BRD4: variants seen among roughly 807,000 people sequenced by gnomAD.
BRD4 encodes the protein bromodomain containing 4.
Under a neutral mutation model 142.1 loss-of-function variants are expected in BRD4, and 16 were observed. The observed-to-expected ratio is 0.11, with a 90% CI of 0.08 to 0.17. BRD4 has a LOEUF of 0.17. Among genes scored for constraint, BRD4 ranks in the 10% least tolerant of loss-of-function variants. BRD4 has a pLI of 1.00. For synonymous variants in BRD4, 833 were observed against 707.5 expected (o/e 1.18, Z -2.82); for missense variants, 1,424 against 1,810.9 (o/e 0.79, Z 3.88).
intron 3 of BRD4, 67 bp downstream of exon 3, chr19:15,268,838 A>G (rs922046707): frequency 7.7e-5 from 121 of 1,580,166 alleles, no homozygotes; most frequent in Middle Eastern, 4.0e-4. Flanking sequence ...GGCTCCTGAC[A>G]TGCCCACTGC....
chr19:15,255,904 T>A (rs2047403202), intron 9 of BRD4, among the ~76,000 whole-genome samples, 160 bp downstream of exon 9: 2 of 152,182 alleles, frequency 1.3e-5, no homozygotes, highest in Non-Finnish European at 2.9e-5. Flanking sequence ...TGCAGCTAAG[T>A]CCTGTGTGCA....
intron 1 of BRD4, among the ~76,000 whole-genome samples, chr19:15,282,187 G>C (rs1381721011): frequency 6.6e-6 from 1 of 152,172 alleles, no homozygotes; most frequent in Non-Finnish European, 1.5e-5. Context: ...TAAAATGAAA[G>C]CAGCCACAAA....
intron 13 of BRD4, 119 bp from the exon 14 acceptor site, chr19:15,243,606 T>G: frequency 1.4e-6 from 2 of 1,391,904 alleles, no homozygotes; most frequent in Non-Finnish European, 1.9e-6. Context: ...TCCCTCAAAC[T>G]GGCACTCCCT....
intron 1 of BRD4, among the ~76,000 whole-genome samples, chr19:15,316,613 G>C (rs78342544): frequency 6.6e-6 from 1 of 152,004 alleles, no homozygotes; most frequent in African/African-American, 2.4e-5. Context: ...AAAAGAAAAA[G>C]AAAAAATAGA....
At chr19:15,269,447 T>C (rs536768299) in intron 2 of BRD4, among the ~76,000 whole-genome samples, 4 of 152,336 alleles carry the variant, frequency 2.6e-5, no homozygotes, top group African/African-American at 9.6e-5. Context: ...CTTGTCCCAT[T>C]TGAAATTTTA....
chr19:15,242,976 C>T lies in BRD4; in HGVS notation c.3093G>A (p.Pro1031=), dbSNP rs372882800. ...HPPPGQQPPP[P]QPAKPQQVIQ... is the part of the protein sequence containing the mutation. ...TGACTTGCTGAGGCTTGGCAGGCTGCGGCGGGGGTGGCTGCTGGCCTGGGG... is the reference window on the plus strand; with the variant it reads ...TGACTTGCTGAGGCTTGGCAGGCTGTGGCGGGGGTGGCTGCTGGCCTGGGG... Residue 1031 remains proline, a synonymous_variant, in exon 14 of 20, where the codon CCG becomes CCA. Transcript: ENST00000679869. The T allele has an allele frequency of 2.8e-5, 27 of 977,394 alleles. 1 individual carries two copies. Among genetic ancestry groups the T allele is most frequent in the East Asian group, 1.6e-4 (2 of 12,846 alleles). The allele number at this position is 977,394 out of a possible 1,614,324, so 60.5% of individuals were successfully genotyped here.
intron 1 of BRD4, chr19:15,280,344 T>C (rs2047693745): frequency 8.9e-6 from 9 of 1,014,670 alleles, no homozygotes; most frequent in Non-Finnish European, 1.1e-5. Context: ...AGCACCACAC[T>C]TTGCTGTACC....
At chr19:15,300,249 A>G (rs2047856559) in intron 1 of BRD4, among the ~76,000 whole-genome samples, 1 of 152,100 alleles carries the variant, frequency 6.6e-6, no homozygotes, top group Non-Finnish European at 1.5e-5. Flanking sequence ...GATCCGATAA[A>G]TAAATAAAAA....
intron 1 of BRD4, among the ~76,000 whole-genome samples, chr19:15,308,174 T>G (rs1296945346): frequency 3.9e-3 from 38 of 9,784 alleles, no homozygotes; most frequent in South Asian, 4.8e-3. Flanking sequence ...GTGGGTCGCG[T>G]AGTGAAGAAA....
chr19:15,306,525 C>T (rs569435109), intron 1 of BRD4, among the ~76,000 whole-genome samples: 33 of 152,234 alleles, frequency 2.2e-4, no homozygotes, highest in Admixed American at 1.3e-3. Context: ...CCCACCTACG[C>T]CTGCCAAAAA....
chr19:15,262,857 A>T (rs1382377962), intron 7 of BRD4, among the ~76,000 whole-genome samples: 3 of 152,034 alleles, frequency 2.0e-5, no homozygotes, highest in Admixed American at 6.5e-5. Context: ...TTCCTTTTTT[A>T]AAAAAATTAA....
chr19:15,250,780 G>T (rs1009333197), intron 11 of BRD4, among the ~76,000 whole-genome samples: 2 of 152,180 alleles, frequency 1.3e-5, no homozygotes, highest in Non-Finnish European at 2.9e-5. Flanking sequence ...GTGAAAGCTA[G>T]AAGATTCCTA....
intron 1 of BRD4, among the ~76,000 whole-genome samples, chr19:15,295,695 G>A (rs1048919783): frequency 1.3e-5 from 2 of 152,268 alleles, no homozygotes; most frequent in East Asian, 1.9e-4. Flanking sequence ...TGGGGGCTGC[G>A]TGCGGTGGCT....
intron 1 of BRD4, among the ~76,000 whole-genome samples, chr19:15,293,971 T>C (rs1474153042): frequency 6.6e-6 from 1 of 152,242 alleles, no homozygotes; most frequent in Non-Finnish European, 1.5e-5. Context: ...GCATGTGATA[T>C]TGTGAAATAC....
At chr19:15,244,943 C>T (rs902898980) in intron 11 of BRD4, 181 bp from the exon 12 acceptor site, 4 of 1,086,974 alleles carry the variant, frequency 3.7e-6, no homozygotes, top group East Asian at 5.2e-5. Flanking sequence ...ACATGCGAGG[C>T]ATCACCTACC....
At position 15,244,330 on chromosome 19, in the gene BRD4, G is replaced by C; in HGVS notation, c.2482C>G (p.Leu828Val). The C allele has an allele frequency of 6.3e-7, 1 of 1,599,912 alleles. No homozygotes were observed. Among genetic ancestry groups the C allele is most frequent in the East Asian group, 2.3e-5 (1 of 44,318 alleles). Residue 828 changes from leucine to valine, a missense_variant, in exon 13 of 20, where the codon CTG becomes GTG. Around this residue, in one of 16 missense-constraint regions of BRD4, gnomAD observed 598 missense variants for 647.8 expected, o/e 0.92. Transcript: ENST00000679869. The part of the protein sequence containing the change: ...DPIGHFTQPI[L>V]HLPQPELPPH... ...GGCAGCTCAGGCTGCGGCAGGTGCA[G>C]GATGGGCTGGGTGAAGTGGCCGATG...
At chr19:15,245,592 C>T (rs1219078250) in intron 11 of BRD4, among the ~76,000 whole-genome samples, 2 of 152,184 alleles carry the variant, frequency 1.3e-5, no homozygotes, top group Non-Finnish European at 1.5e-5. Context: ...ACTCGAGAGC[C>T]AGCGTGCCCA....
chr19:15,245,904 C>T (rs1005009373), intron 11 of BRD4, among the ~76,000 whole-genome samples: 2 of 152,204 alleles, frequency 1.3e-5, no homozygotes, highest in South Asian at 2.1e-4. Flanking sequence ...ATCCAGGCTC[C>T]TTCCACTTGG....
intron 1 of BRD4, chr19:15,280,283 C>T (rs200527079): frequency 2.3e-5 from 23 of 1,009,218 alleles, no homozygotes; most frequent in South Asian, 4.7e-5. Flanking sequence ...TGGCAACACC[C>T]ACAAGGGGCA....
Sources: allele counts gnomAD v4.1 joint callset (sites outside exome capture counted in the v4.1 genomes callset), GRCh38; gene constraint gnomAD v4.1.1; regional missense constraint gnomAD v4.1.1; transcripts MANE v1.5; gene names NCBI Gene and HGNC (gene_info 2026-07-23, HGNC 2026-07-21).